The following TRANK1 variants were observed in gnomAD, a reference collection of about 807,000 sequenced individuals.
TRANK1 encodes tetratricopeptide repeat and ankyrin repeat containing 1, also known as TPR and ankyrin repeat-containing protein 1.
A neutral mutation model predicts 266.0 loss-of-function variants in TRANK1; 198 were observed. The observed-to-expected ratio is 0.74, with a 90% CI of 0.66 to 0.84. The LOEUF is 0.84. Ranked by LOEUF, TRANK1 falls within the 40% of genes least tolerant of loss-of-function variation. The pLI is 0.00. For missense variants in TRANK1, 3,326 were observed against 3,634.6 expected, an observed-to-expected ratio of 0.92 and a Z score of 2.18; for synonymous variants, 1,396 against 1,384.1, an observed-to-expected ratio of 1.01 and a Z score of -0.19.
At chr3:36,893,783 C>G (rs2079745967) in intron 5 of TRANK1, among the ~76,000 whole-genome samples, 1 of 152,172 alleles carries the variant, frequency 6.6e-6, no homozygotes. Context: ...CCAGTCTCAG[C>G]TCCAGCCTCT....
At chr3:36,935,072 A>G (rs1371665611) in intron 1 of TRANK1, among the ~76,000 whole-genome samples, 1 of 152,164 alleles carries the variant, frequency 6.6e-6, no homozygotes, top group African/African-American at 2.4e-5. Flanking sequence ...AAAGACCCCA[A>G]GATCACCCAG....
chr3:36,920,379 A>C (rs2080198249), intron 1 of TRANK1, among the ~76,000 whole-genome samples: 1 of 152,072 alleles, frequency 6.6e-6, no homozygotes, highest in South Asian at 2.1e-4. Context: ...TCTCTTCCCC[A>C]AGCTCCTTAG....
intron 2 of TRANK1, among the ~76,000 whole-genome samples, chr3:36,904,190 G>A (rs1007227315): frequency 4.6e-5 from 7 of 151,708 alleles, no homozygotes; most frequent in Non-Finnish European, 8.8e-5. Context: ...TCCTGACCTC[G>A]TGATCCGCCT....
intron 8 of TRANK1, among the ~76,000 whole-genome samples, chr3:36,881,540 G>T (rs2079532200): frequency 6.6e-6 from 1 of 152,092 alleles, no homozygotes. Flanking sequence ...TTGAACCCAG[G>T]AGGCAGAGGC....
At chr3:36,926,926 C>A (rs1320197406) in intron 1 of TRANK1, among the ~76,000 whole-genome samples, 1 of 152,206 alleles carries the variant, frequency 6.6e-6, no homozygotes, top group Non-Finnish European at 1.5e-5. Flanking sequence ...GGCCCCACTT[C>A]TCCTGCCTAT....
intron 3 of TRANK1, 121 bp downstream of exon 3, chr3:36,903,028 G>T: frequency 1.5e-6 from 2 of 1,299,172 alleles, no homozygotes; most frequent in Non-Finnish European, 2.1e-6. Flanking sequence ...AAAGGAAGGA[G>T]GCAGCAGCTG....
intron 15 of TRANK1, 47 bp from the exon 16 acceptor site, chr3:36,847,393 C>T: frequency 6.2e-7 from 1 of 1,601,952 alleles, no homozygotes; most frequent in Non-Finnish European, 8.5e-7. Context: ...TGCTTTTGAA[C>T]TACGCATACA....
chr3:36,828,084 T>C lies in TRANK1; in HGVS notation c.*191A>G. 1.8e-6 allele frequency: 1 copy of C among 560,890 alleles called. No individual in the cohort carries two copies. The highest frequency in any genetic ancestry group is 3.1e-5 in the Admixed American group (1 of 32,646). The allele number at this position is 560,890 out of a possible 1,614,324, so 34.7% of individuals were successfully genotyped here. On this transcript the variant is annotated 3_prime_UTR_variant, in exon 24 of 24. Coordinates refer to ENST00000645898, the MANE Select transcript of TRANK1 (RefSeq NM_001329998.2). ...TGCCAGACTCTACTTGGAAACACTT[T>C]AGAGGTGAGGGAGCAATCAGATCCT...
Position 36,832,844 on chromosome 3 carries a change from C to T in TRANK1, c.6739G>A (p.Ala2247Thr), listed in dbSNP as rs369112168. ...EAKKVFPKIL[A>T]EELKEIDYIL... Reference sequence around the variant, plus strand: ...TAATCAATTTCTTTAAGTTCTTCTGCTAAGATTTTAGGGAATACTTTTTTG... The same window carrying T: ...TAATCAATTTCTTTAAGTTCTTCTGTTAAGATTTTAGGGAATACTTTTTTG... Residue 2247 changes from alanine (A) to threonine (T), a missense_variant, in exon 22 of 24, where the codon GCA (alanine) becomes ACA (threonine). Coordinates refer to ENST00000645898, the MANE Select transcript of TRANK1 (RefSeq NM_001329998.2). The T allele has an allele frequency of 1.4e-5, 22 of 1,613,912 alleles. 1 individual carries two copies. The South Asian group carries it at 2.3e-4, about 17-fold the overall frequency.
intron 1 of TRANK1, among the ~76,000 whole-genome samples, chr3:36,919,134 C>T (rs1408100180): frequency 7.2e-5 from 11 of 152,128 alleles, no homozygotes. Flanking sequence ...TCTTGATGGG[C>T]CCAATTTTTT....
chr3:36,889,686 A>T, intron 8 of TRANK1, 143 bp downstream of exon 8: 1 of 1,170,830 alleles, frequency 8.5e-7, no homozygotes, highest in South Asian at 1.9e-5. Context: ...CACCCACCAA[A>T]ATCAAGTTTA....
chr3:36,940,280 G>A (rs891489098), intron 1 of TRANK1, among the ~76,000 whole-genome samples: 7 of 151,302 alleles, frequency 4.6e-5, no homozygotes, highest in South Asian at 2.1e-4. Context: ...GGTGGATCAC[G>A]AGGTCAGGAG....
intron 18 of TRANK1, among the ~76,000 whole-genome samples, chr3:36,841,137 AGAAC>A (rs1159427052): frequency 6.6e-6 from 1 of 152,218 alleles, no homozygotes; most frequent in East Asian, 1.9e-4. Flanking sequence ...ATCACTTCCC[AGAAC>A]CTTTACTCAG....
rs377285226 is a variant in TRANK1 at position 36,828,329 on chromosome 3, A to T, written c.8856T>A (p.Gly2952=). 7.4e-5 allele frequency: 119 copies of T among 1,612,714 alleles called. No individual in the cohort carries two copies. In the African/African-American group the frequency reaches 1.5e-3, roughly 21 times the overall value. The change falls in exon 24 of 24, where the codon GGT becomes GGA. Residue 2952 remains glycine (G), a synonymous_variant. Transcript: ENST00000645898. The part of the protein sequence containing the change: ...DDYENEVEDF[G]ELRPRRRSRK... The stretch of plus-strand genomic sequence containing the variant: ...GAGAACGCCTTCTAGGCCGAAGCTC[A>T]CCAAAGTCTTCAACTTCATTTTCAT...
At chr3:36,846,219 C>T (rs1009434686) in intron 17 of TRANK1, 29 bp downstream of exon 17, 1 of 1,535,846 alleles carries the variant, frequency 6.5e-7, no homozygotes, top group African/African-American at 1.4e-5. Context: ...ATTCCTCCAT[C>T]AGTTAAGAGT....
intron 7 of TRANK1, among the ~76,000 whole-genome samples, chr3:36,891,704 A>G (rs1281936479): frequency 6.6e-6 from 1 of 152,274 alleles, no homozygotes; most frequent in Non-Finnish European, 1.5e-5. Flanking sequence ...TCATGAAAAT[A>G]GCAGTCCTTT....
At chr3:36,841,182 A>G (rs903216115) in intron 18 of TRANK1, among the ~76,000 whole-genome samples, 8 of 152,204 alleles carry the variant, frequency 5.3e-5, no homozygotes, top group Non-Finnish European at 8.8e-5. Flanking sequence ...AATGAGAAGA[A>G]GGATCATTAG....
At chr3:36,918,988 A>T (rs2080177301) in intron 1 of TRANK1, among the ~76,000 whole-genome samples, 1 of 152,214 alleles carries the variant, frequency 6.6e-6, no homozygotes, top group African/African-American at 2.4e-5. Context: ...TCAAAGTATA[A>T]TTTATGTGCC....
intron 2 of TRANK1, among the ~76,000 whole-genome samples, 157 bp from the exon 3 acceptor site, chr3:36,903,432 G>A (rs902176290): frequency 6.6e-6 from 1 of 152,180 alleles, no homozygotes; most frequent in Non-Finnish European, 1.5e-5. Context: ...GACCCCAAAC[G>A]AGCCTGGAAC....
Sources: gnomAD v4.1 joint callset for allele counts (sites outside exome capture counted in the v4.1 genomes callset) on GRCh38, gnomAD v4.1.1 for gene constraint, MANE v1.5 for transcripts, NCBI Gene and HGNC (gene_info 2026-07-23, HGNC 2026-07-21) for gene names.